NTRK3: variants seen among roughly 807,000 people sequenced by gnomAD.
The protein encoded by NTRK3 is NT-3 growth factor receptor.
NTRK3 carries 24 observed loss-of-function variants against 91.7 expected under a neutral mutation model. That is an observed-to-expected ratio of 0.26 (90% CI 0.19 to 0.37). NTRK3 has a LOEUF of 0.37. Ranked by LOEUF, NTRK3 falls within the 10% of genes least tolerant of loss-of-function variation. The pLI is 1.00. For missense variants in NTRK3, 880 were observed against 1,068.9 expected, an observed-to-expected ratio of 0.82 and a Z score of 2.46; for synonymous variants, 483 against 404.0, an observed-to-expected ratio of 1.20 and a Z score of -2.34.
intron 10 of NTRK3, among the ~76,000 whole-genome samples, chr15:88,130,480 ATC>A (rs975325460): frequency 6.6e-6 from 1 of 152,198 alleles, no homozygotes; most frequent in African/African-American, 2.4e-5. Flanking sequence ...GGGGAAAATC[ATC>A]TGTTTGCAGC....
chr15:87,992,342 C>T (rs1396983158), intron 14 of NTRK3, among the ~76,000 whole-genome samples: 1 of 152,200 alleles, frequency 6.6e-6, no homozygotes, highest in Non-Finnish European at 1.5e-5. Context: ...CAGTATTCCA[C>T]TGTCCTGAAT....
intron 17 of NTRK3, among the ~76,000 whole-genome samples, chr15:87,922,800 C>T (rs772890045): frequency 4.6e-5 from 7 of 152,116 alleles, no homozygotes; most frequent in Non-Finnish European, 8.8e-5. Flanking sequence ...GTATTTCTTC[C>T]CTGTTTTTCT....
intron 14 of NTRK3, among the ~76,000 whole-genome samples, chr15:87,975,080 T>A (rs2073609460): frequency 6.6e-6 from 1 of 152,172 alleles, no homozygotes. Flanking sequence ...AGCTTCCTTG[T>A]GGGTAAAATC....
intron 17 of NTRK3, among the ~76,000 whole-genome samples, chr15:87,918,669 T>G (rs1218130022): frequency 6.6e-6 from 1 of 152,226 alleles, no homozygotes; most frequent in Non-Finnish European, 1.5e-5. Flanking sequence ...TGTTCTTATA[T>G]TCCCTATGAG....
chr15:88,020,674 C>G (rs999904), intron 14 of NTRK3, among the ~76,000 whole-genome samples: 1 of 152,052 alleles, frequency 6.6e-6, no homozygotes, highest in South Asian at 2.1e-4. Flanking sequence ...AAGGTGGTCA[C>G]CTTTTCTTAT....
intron 13 of NTRK3, among the ~76,000 whole-genome samples, chr15:88,070,080 T>A (rs1263930975): frequency 6.6e-6 from 1 of 152,182 alleles, no homozygotes; most frequent in East Asian, 1.9e-4. Context: ...CATCCTTCAG[T>A]GCTACCATGT....
At chr15:88,065,238 T>G (rs2046546878) in intron 13 of NTRK3, among the ~76,000 whole-genome samples, 1 of 152,184 alleles carries the variant, frequency 6.6e-6, no homozygotes, top group African/African-American at 2.4e-5. Context: ...CACAGGATCA[T>G]GGTCCTACCC....
intron 3 of NTRK3, among the ~76,000 whole-genome samples, chr15:88,201,049 A>G (rs1017014313): frequency 2.0e-5 from 3 of 152,132 alleles, no homozygotes; most frequent in Non-Finnish European, 4.4e-5. Flanking sequence ...ATCTCAAACC[A>G]TGTAGATCCC....
chr15:88,231,747 T>C (rs752625829), intron 3 of NTRK3, among the ~76,000 whole-genome samples: 1 of 152,142 alleles, frequency 6.6e-6, no homozygotes, highest in Non-Finnish European at 1.5e-5. Flanking sequence ...TTTTCAGAGA[T>C]CACTTTTTGC....
chr15:87,879,264 C>G (rs1226239323), intron 18 of NTRK3, among the ~76,000 whole-genome samples: 1 of 152,090 alleles, frequency 6.6e-6, no homozygotes, highest in Non-Finnish European at 1.5e-5. Context: ...CCAAAAGGGT[C>G]TTGTGTTTAC....
At chr15:88,190,952 A>G (rs546087118) in intron 3 of NTRK3, among the ~76,000 whole-genome samples, 2 of 152,346 alleles carry the variant, frequency 1.3e-5, no homozygotes, top group East Asian at 3.9e-4. Flanking sequence ...TCACACACAC[A>G]TACATGCACA....
At chr15:88,028,063 C>T (rs910394415) in intron 14 of NTRK3, among the ~76,000 whole-genome samples, 15 of 151,616 alleles carry the variant, frequency 9.9e-5, no homozygotes, top group African/African-American at 2.4e-4. Context: ...GGAAAATGGG[C>T]ATTTCAAGGT....
At chr15:87,916,505 T>C (rs2067454589) in intron 17 of NTRK3, 1 of 702,242 alleles carries the variant, frequency 1.4e-6, no homozygotes, top group Non-Finnish European at 2.6e-6. Context: ...AGAATTTTCT[T>C]ATGGGGCATC....
At chr15:88,231,742 A>G (rs765268089) in intron 3 of NTRK3, among the ~76,000 whole-genome samples, 7 of 152,226 alleles carry the variant, frequency 4.6e-5, no homozygotes, top group Non-Finnish European at 8.8e-5. Context: ...AAGAGTTTTC[A>G]GAGATCACTT....
At chr15:88,006,414 C>T (rs1032823500) in intron 14 of NTRK3, among the ~76,000 whole-genome samples, 1 of 152,204 alleles carries the variant, frequency 6.6e-6, no homozygotes, top group Admixed American at 6.5e-5. Context: ...TGGTGCAATG[C>T]TATGCACTAC....
intron 3 of NTRK3, among the ~76,000 whole-genome samples, chr15:88,190,610 G>A (rs1464618410): frequency 6.6e-6 from 1 of 152,132 alleles, no homozygotes; most frequent in Non-Finnish European, 1.5e-5. Context: ...TGTCCCCAGG[G>A]CCCCTCCTCC....
chr15:87,884,240 A>G (rs1435773736), intron 17 of NTRK3, among the ~76,000 whole-genome samples: 2 of 151,602 alleles, frequency 1.3e-5, no homozygotes, highest in Non-Finnish European at 3.0e-5. Context: ...TATTACATCC[A>G]TAAATTTGAA....
chr15:87,930,999 AG>A (rs1196380901), intron 16 of NTRK3: 1 of 310,728 alleles, frequency 3.2e-6, no homozygotes, highest in Non-Finnish European at 6.3e-6. Context: ...GCCATGGAGA[AG>A]GCAAGGCACT....
intron 14 of NTRK3, among the ~76,000 whole-genome samples, chr15:87,961,346 A>C (rs1436104246): frequency 6.6e-6 from 1 of 152,266 alleles, no homozygotes; most frequent in African/African-American, 2.4e-5. Context: ...TCATTAAAAG[A>C]AGAACATATG....
Sources: allele counts gnomAD v4.1 joint callset (sites outside exome capture counted in the v4.1 genomes callset), GRCh38; gene constraint gnomAD v4.1.1; transcripts MANE v1.5; gene names NCBI Gene and HGNC (gene_info 2026-07-23, HGNC 2026-07-21).